ITGBL1: variants seen among roughly 807,000 people sequenced by gnomAD.
ITGBL1 encodes integrin beta-like protein 1.
ITGBL1 carries 51 observed loss-of-function variants against 68.5 expected under a neutral mutation model. The observed-to-expected ratio is 0.74, with a 90% CI of 0.59 to 0.94. The LOEUF (loss-of-function observed/expected upper bound fraction) is 0.94, where lower values mean the gene tolerates loss of function less well. ITGBL1 is among the 40% of genes least tolerant of loss of function. ITGBL1 has a pLI of 0.00. For synonymous variants in ITGBL1, 209 were observed against 227.3 expected, an observed-to-expected ratio of 0.92 and a Z score of 0.72; for missense variants, 649 against 647.4, an observed-to-expected ratio of 1.00 and a Z score of -0.03.
Position 101,455,783 on chromosome 13 carries a change from C to T in ITGBL1, c.316+1683C>T, listed in dbSNP as rs147379170. ...CCCTTTGGAATGAAAGCTAAGTTAC[C>T]GCCTAATATTTCATTCCAAATTTGA... is the stretch of plus-strand genomic sequence containing the variant. On this transcript the variant is annotated intron_variant, in intron 2 of 10. Transcript: ENST00000376180. Among the ~76,000 whole-genome samples, 113 of 152,278 alleles carry T rather than the reference C, an allele frequency of 7.4e-4. 1 individual carries two copies. In the East Asian group the frequency reaches 0.02, roughly 27 times the overall value.
chr13:101,587,037 C>G (rs9518453), intron 6 of ITGBL1, among the ~76,000 whole-genome samples: 151,405 of 152,292 alleles, frequency 0.99, 75,262 homozygotes, highest in Middle Eastern at 1. Flanking sequence ...ATGAAATGAA[C>G]TTTTATTTTT....
In ITGBL1 at chr13:101,557,473, A is replaced by G. The variant is rs143272792; in HGVS notation, c.317-10226A>G. 6.1e-3 allele frequency among the ~76,000 whole-genome samples: 929 copies of G among 152,352 alleles called. 11 individuals are homozygous for G. The highest frequency in any genetic ancestry group is 0.021 in the African/African-American group (869 of 41,570). ...AATGGTCAAGTTTCTATTTCAAACC[A>G]TGCAATAATTATAATATCAGATAAA... On this transcript the variant is annotated intron_variant, in intron 2 of 10. Transcript: ENST00000376180.
chr13:101,577,268 A>C (rs1042497663), intron 4 of ITGBL1, among the ~76,000 whole-genome samples: 2 of 152,186 alleles, frequency 1.3e-5, no homozygotes, highest in African/African-American at 4.8e-5. Flanking sequence ...ATGATTCCAC[A>C]GTTCATCAGT....
intron 2 of ITGBL1, among the ~76,000 whole-genome samples, chr13:101,562,380 CAGTTA>C (rs891459130): frequency 1.1e-4 from 17 of 151,822 alleles, no homozygotes; most frequent in Admixed American, 6.6e-4. Context: ...TTAAACTCAC[CAGTTA>C]AAAGATAGAG....
At chr13:101,719,146 A>AGAT (rs1566808341), downstream of ITGBL1, 1 of 152,144 alleles carries the variant, frequency 6.6e-6, no homozygotes, top group Non-Finnish European at 1.5e-5. Context: ...AATATTAGGG[A>AGAT]GATAATTTTA....
intron 7 of ITGBL1, among the ~76,000 whole-genome samples, chr13:101,682,834 T>C (rs777508278): frequency 8.5e-5 from 13 of 152,098 alleles, no homozygotes; most frequent in Non-Finnish European, 1.9e-4. Flanking sequence ...TTTATTAATA[T>C]TGTCCTTTAT....
chr13:101,682,473 G>T (rs2139530343), intron 7 of ITGBL1, among the ~76,000 whole-genome samples: 1 of 152,126 alleles, frequency 6.6e-6, no homozygotes, highest in South Asian at 2.1e-4. Flanking sequence ...TAGTAACAAA[G>T]ATTTCAGAAA....
intron 7 of ITGBL1, among the ~76,000 whole-genome samples, chr13:101,666,291 T>G (rs1165111146): frequency 6.6e-6 from 1 of 152,130 alleles, no homozygotes; most frequent in Non-Finnish European, 1.5e-5. Context: ...TCTGCCCTGG[T>G]GATTCTCCTC....
At chr13:101,631,563 A>C (rs1220093132) in intron 7 of ITGBL1, among the ~76,000 whole-genome samples, 1 of 152,158 alleles carries the variant, frequency 6.6e-6, no homozygotes, top group Non-Finnish European at 1.5e-5. Flanking sequence ...ATGATGTTGA[A>C]ATTTTGCAAG....
chr13:101,529,168 A>C (rs998064364), intron 2 of ITGBL1, among the ~76,000 whole-genome samples: 4 of 151,976 alleles, frequency 2.6e-5, no homozygotes, highest in Non-Finnish European at 5.9e-5. Flanking sequence ...AAATTGAGAA[A>C]GAGAAATGCA....
chr13:101,555,111 G>A (rs2049983655), intron 2 of ITGBL1, among the ~76,000 whole-genome samples: 1 of 152,058 alleles, frequency 6.6e-6, no homozygotes, highest in Admixed American at 6.5e-5. Flanking sequence ...TTATCATAAA[G>A]TATAAAAAGT....
intron 2 of ITGBL1, among the ~76,000 whole-genome samples, chr13:101,560,718 G>A (rs1240454735): frequency 3.9e-5 from 6 of 152,150 alleles, no homozygotes; most frequent in African/African-American, 7.2e-5. Context: ...AACATTCCAA[G>A]TGGTTAAGAA....
At chr13:101,462,153 T>C (rs1171577606) in intron 2 of ITGBL1, among the ~76,000 whole-genome samples, 1 of 152,192 alleles carries the variant, frequency 6.6e-6, no homozygotes, top group East Asian at 1.9e-4. Flanking sequence ...AAACAGGTTG[T>C]GAGACCTTTC....
At chr13:101,602,162 G>C (rs541087167) in intron 7 of ITGBL1, among the ~76,000 whole-genome samples, 1 of 152,186 alleles carries the variant, frequency 6.6e-6, no homozygotes, top group East Asian at 1.9e-4. Context: ...TTTTCTGAAT[G>C]AGACCATCTA....
At chr13:101,676,544 A>G (rs1359710290) in intron 7 of ITGBL1, among the ~76,000 whole-genome samples, 4 of 152,038 alleles carry the variant, frequency 2.6e-5, no homozygotes, top group Admixed American at 2.6e-4. Flanking sequence ...TGGCATTTCA[A>G]CCTCTTGCCC....
At chr13:101,671,132 G>C (rs1490150863) in intron 7 of ITGBL1, among the ~76,000 whole-genome samples, 2 of 152,150 alleles carry the variant, frequency 1.3e-5, no homozygotes, top group East Asian at 3.9e-4. Flanking sequence ...GCCTAGAAAA[G>C]ACTCCAGTAA....
intron 9 of ITGBL1, among the ~76,000 whole-genome samples, chr13:101,708,056 C>CAT (rs948480491): frequency 7.8e-6 from 1 of 128,224 alleles, no homozygotes; most frequent in African/African-American, 2.8e-5. Flanking sequence ...CACACACACA[C>CAT]ACACACACAC....
chr13:101,661,128 TAAA>T (rs5806242), intron 7 of ITGBL1, among the ~76,000 whole-genome samples: 2 of 149,314 alleles, frequency 1.3e-5, no homozygotes, highest in African/African-American at 2.5e-5. Flanking sequence ...ACAAACATAG[TAAA>T]AAAAAAAATG....
At chr13:101,460,372 A>G (rs1190944655) in intron 2 of ITGBL1, among the ~76,000 whole-genome samples, 1 of 152,164 alleles carries the variant, frequency 6.6e-6, no homozygotes, top group Non-Finnish European at 1.5e-5. Flanking sequence ...AGTTTTTGGA[A>G]ACACATTCAG....
Sources: allele counts gnomAD v4.1 joint callset (sites outside exome capture counted in the v4.1 genomes callset), GRCh38; gene constraint gnomAD v4.1.1; transcripts MANE v1.5; gene names NCBI Gene and HGNC (gene_info 2026-07-23, HGNC 2026-07-21).